Variants in LEF1 observed in about 807,000 individuals in gnomAD.
The protein encoded by LEF1 is lymphoid enhancer binding factor 1, also known as lymphoid enhancer-binding factor 1.
Under a neutral mutation model 51.2 loss-of-function variants are expected in LEF1, and 14 were observed. That is an observed-to-expected ratio of 0.27 (90% CI 0.18 to 0.43). The LOEUF (loss-of-function observed/expected upper bound fraction) is 0.43. Among genes scored for constraint, LEF1 ranks in the 20% least tolerant of loss-of-function variants. The pLI, the probability that LEF1 is intolerant of heterozygous loss-of-function variation, is 1.00. For synonymous variants in LEF1, 185 were observed against 183.2 expected, an observed-to-expected ratio of 1.01 and a Z score of -0.08; for missense variants, 386 against 512.0, an observed-to-expected ratio of 0.75 and a Z score of 2.37.
chr4:108,051,384 G>A (rs1736979341), intron 11 of LEF1, among the ~76,000 whole-genome samples: 1 of 152,160 alleles, frequency 6.6e-6, no homozygotes, highest in African/African-American at 2.4e-5. Context: ...GAGAAACGGG[G>A]GCCTTGTAGT....
At position 108,081,681 on chromosome 4, in the gene LEF1, G is replaced by A; in HGVS notation, c.639-12C>T. The stretch of plus-strand genomic sequence containing the variant: ...CAGGCTGACCTTGCCTGAGGTCACA[G>A]AAGAAAGGAACCCATCAATGACAAA... On this transcript the variant is annotated splice_polypyrimidine_tract_variant and intron_variant, in intron 5 of 11. Coordinates refer to ENST00000265165, the MANE Select transcript of LEF1 (RefSeq NM_016269.5). 6.2e-7 allele frequency: 1 copy of A among 1,609,800 alleles called. No homozygotes were observed. Among genetic ancestry groups the A allele is most frequent in the Non-Finnish European group, 8.5e-7 (1 of 1,176,276 alleles).
In LEF1 at chr4:108,048,552, AAG is replaced by A. The variant is rs1404501968; in HGVS notation, c.*204_*205del. ...GGAACTTGGCTCTTGCAGTAGACGAAAGAGGGGTTGGCAGTGATTGTCTTTAT... is the reference window on the plus strand; with the variant it reads ...GGAACTTGGCTCTTGCAGTAGACGAAAGGGGTTGGCAGTGATTGTCTTTAT... On this transcript the variant is annotated 3_prime_UTR_variant, in exon 12 of 12. Coordinates refer to ENST00000265165, the MANE Select transcript of LEF1 (RefSeq NM_016269.5). 4.8e-5 allele frequency: 25 copies of A among 524,226 alleles called. No homozygotes were observed. The highest frequency in any genetic ancestry group is 6.5e-5 in the South Asian group (1 of 15,458). 32.5% of individuals were successfully genotyped at this position (524,226 alleles called of 1,614,324 possible).
intron 3 of LEF1, among the ~76,000 whole-genome samples, chr4:108,106,557 T>C (rs749428171): frequency 6.6e-6 from 1 of 152,180 alleles, no homozygotes; most frequent in Admixed American, 6.5e-5. Context: ...GGTGCACTGA[T>C]GTACACACAT....
At chr4:108,152,138 C>T (rs1334909101) in intron 3 of LEF1, among the ~76,000 whole-genome samples, 3 of 152,160 alleles carry the variant, frequency 2.0e-5, no homozygotes, top group African/African-American at 4.8e-5. Context: ...TCTTGACTGA[C>T]GGTGGGATCC....
intron 11 of LEF1, among the ~76,000 whole-genome samples, chr4:108,053,177 C>T (rs192832076): frequency 3.3e-5 from 5 of 152,258 alleles, no homozygotes; most frequent in South Asian, 2.1e-4. Context: ...CAGGATATCA[C>T]GCTCTGTTTG....
At chr4:108,126,494 T>C (rs563938780) in intron 3 of LEF1, among the ~76,000 whole-genome samples, 12 of 152,276 alleles carry the variant, frequency 7.9e-5, no homozygotes, top group African/African-American at 2.6e-4. Flanking sequence ...TTTTATTCTT[T>C]TTTAATAAAA....
At chr4:108,118,207 C>T (rs540941566) in intron 3 of LEF1, among the ~76,000 whole-genome samples, 1 of 152,294 alleles carries the variant, frequency 6.6e-6, no homozygotes, top group African/African-American at 2.4e-5. Context: ...ATTTTTATTT[C>T]CATTGCATTG....
At chr4:108,112,412 C>G (rs1660339093) in intron 3 of LEF1, among the ~76,000 whole-genome samples, 1 of 152,204 alleles carries the variant, frequency 6.6e-6, no homozygotes, top group African/African-American at 2.4e-5. Flanking sequence ...CAATGCCATT[C>G]AGGACTGTGT....
chr4:108,161,196 CATTAAAAACAGCTGTTAGGT>C (rs1745033473), intron 3 of LEF1, among the ~76,000 whole-genome samples: 1 of 152,004 alleles, frequency 6.6e-6, no homozygotes, highest in Non-Finnish European at 1.5e-5. Context: ...ATCTCCGACA[CATTAAAAACAGCTGTTAGGT>C]ATTAAAAACC....
chr4:108,143,856 TCA>T (rs1308582622), intron 3 of LEF1, among the ~76,000 whole-genome samples: 1 of 152,192 alleles, frequency 6.6e-6, no homozygotes, highest in Admixed American at 6.5e-5. Context: ...CACACATTTC[TCA>T]GACTGCCCTC....
intron 3 of LEF1, among the ~76,000 whole-genome samples, chr4:108,128,135 G>T (rs555203022): frequency 1.3e-5 from 2 of 152,260 alleles, no homozygotes; most frequent in South Asian, 4.2e-4. Flanking sequence ...ATTCTCAGGA[G>T]AGAATGGCAG....
chr4:108,131,925 C>T (rs1742926301), intron 3 of LEF1, among the ~76,000 whole-genome samples: 1 of 152,016 alleles, frequency 6.6e-6, no homozygotes, highest in Non-Finnish European at 1.5e-5. Context: ...CTTTCTAGTG[C>T]AACAAAATGC....
In LEF1 at chr4:108,167,880, A is replaced by G. The variant is rs1239559266; in HGVS notation, c.-113T>C. 3.5e-6 allele frequency: 3 copies of G among 863,182 alleles called. No individual in the cohort carries two copies. The African/African-American group carries it at 5.1e-5, about 15-fold the overall frequency. The allele number at this position is 863,182 out of a possible 1,614,324, so 53.5% of individuals were successfully genotyped here. A position where few individuals can be genotyped will look rare whatever the true frequency, so the allele number is the denominator to read the frequency against. On this transcript the variant is annotated 5_prime_UTR_variant, in exon 1 of 12. Coordinates refer to ENST00000265165, the MANE Select transcript of LEF1 (RefSeq NM_016269.5). The surrounding 1 kb of genome is among the most constrained non-coding windows in gnomAD (Gnocchi z 5.7). ...AAAGGAGAGTTGGAAGGGTTCGTGC[A>G]GCAGGACAGCGGGCGGAAGCGGGGC...
At chr4:108,132,868 C>T (rs1419781663) in intron 3 of LEF1, among the ~76,000 whole-genome samples, 1 of 151,540 alleles carries the variant, frequency 6.6e-6, no homozygotes, top group Non-Finnish European at 1.5e-5. Context: ...ATGGGGTTTC[C>T]CCATGTTGCC....
chr4:108,101,908 A>C (rs1740849507), intron 3 of LEF1, among the ~76,000 whole-genome samples: 1 of 152,038 alleles, frequency 6.6e-6, no homozygotes. Context: ...TAAAAAGACA[A>C]AATTAGCCAG....
At chr4:108,136,870 C>T (rs1743297417) in intron 3 of LEF1, among the ~76,000 whole-genome samples, 1 of 152,104 alleles carries the variant, frequency 6.6e-6, no homozygotes, top group Non-Finnish European at 1.5e-5. Context: ...AGTATGTAGT[C>T]ATTGAAAACT....
intron 9 of LEF1, among the ~76,000 whole-genome samples, chr4:108,066,978 G>A (rs1014155677): frequency 5.3e-5 from 8 of 152,048 alleles, no homozygotes; most frequent in African/African-American, 1.2e-4. Context: ...TATTTCACAC[G>A]ATCTCACTGA....
chr4:108,165,409 A>G (rs538206610), intron 1 of LEF1, among the ~76,000 whole-genome samples: 1 of 152,356 alleles, frequency 6.6e-6, no homozygotes, highest in South Asian at 2.1e-4. Flanking sequence ...ACCAATAAAA[A>G]TATAGTTAAA....
intron 9 of LEF1, among the ~76,000 whole-genome samples, chr4:108,066,655 G>T (rs1738100826): frequency 6.6e-6 from 1 of 152,172 alleles, no homozygotes; most frequent in Non-Finnish European, 1.5e-5. Context: ...TTCTTCAAGA[G>T]AATCTACATT....
Sources: gnomAD v4.1 joint callset for allele counts (sites outside exome capture counted in the v4.1 genomes callset) on GRCh38, gnomAD v4.1.1 for gene constraint, Gnocchi (gnomAD v3.1) non-coding constraint, MANE v1.5 for transcripts, NCBI Gene and HGNC (gene_info 2026-07-23, HGNC 2026-07-21) for gene names.